VTI1A: variants seen among roughly 807,000 people sequenced by gnomAD.
VTI1A encodes the protein vesicle transport through interaction with t-SNAREs homolog 1A.
VTI1A carries 22 observed loss-of-function variants against 34.9 expected under a neutral mutation model. The ratio of observed to expected loss-of-function variants is 0.63; its 90% confidence interval spans 0.45 to 0.90. The LOEUF is 0.90. VTI1A is among the 40% of genes least tolerant of loss of function. The pLI is 0.00. For synonymous variants in VTI1A, 87 were observed against 97.3 expected, an observed-to-expected ratio of 0.89 and a Z score of 0.62; for missense variants, 268 against 275.6, an observed-to-expected ratio of 0.97 and a Z score of 0.20.
At chr10:112,783,390 C>T (rs981970729) in intron 7 of VTI1A, among the ~76,000 whole-genome samples, 4 of 113,570 alleles carry the variant, frequency 3.5e-5, no homozygotes, top group East Asian at 2.8e-4. Flanking sequence ...TGTGCATGCC[C>T]GCGTGCACGT....
At chr10:112,652,838 C>T (rs1467453219) in intron 5 of VTI1A, among the ~76,000 whole-genome samples, 1 of 152,086 alleles carries the variant, frequency 6.6e-6, no homozygotes, top group Non-Finnish European at 1.5e-5. Context: ...GTCTGTTGGG[C>T]CCTAAAAGAC....
At chr10:112,830,941 C>G in the VTI1A span, among the ~76,000 whole-genome samples, 775 of 148,746 alleles carry the variant, frequency 5.2e-3, 5 homozygotes, top group Non-Finnish European at 8.0e-3. Context: ...CTTTGACCCC[C>G]CAGGCTCAGG....
chr10:112,489,026 T>C (rs1255427550), intron 3 of VTI1A, among the ~76,000 whole-genome samples: 2 of 152,228 alleles, frequency 1.3e-5, no homozygotes, highest in East Asian at 3.8e-4. Flanking sequence ...AGACCAGTAG[T>C]TCTTAAACTC....
At chr10:112,837,621 T>C in the VTI1A span, among the ~76,000 whole-genome samples, 1 of 152,206 alleles carries the variant, frequency 6.6e-6, no homozygotes, top group South Asian at 2.1e-4. Context: ...CTCAATTTGC[T>C]GATCTGCAAG....
chr10:112,774,763 C>T (rs1206604754), intron 7 of VTI1A, among the ~76,000 whole-genome samples: 1 of 152,094 alleles, frequency 6.6e-6, no homozygotes, highest in East Asian at 1.9e-4. Context: ...TTAGAAGAGG[C>T]AATAAATTAT....
At chr10:112,678,611 C>G (rs1848109986) in intron 7 of VTI1A, among the ~76,000 whole-genome samples, 1 of 152,200 alleles carries the variant, frequency 6.6e-6, no homozygotes, top group South Asian at 2.1e-4. Flanking sequence ...GCTGCCACCA[C>G]CACTACCGCC....
chr10:112,854,680 G>A, the VTI1A span, among the ~76,000 whole-genome samples: 3 of 152,174 alleles, frequency 2.0e-5, no homozygotes, highest in Admixed American at 6.5e-5. Context: ...CATCTATAAT[G>A]TTCTGCATGG....
chr10:112,753,866 G>C (rs1851186618), intron 7 of VTI1A, among the ~76,000 whole-genome samples: 1 of 152,184 alleles, frequency 6.6e-6, no homozygotes, highest in Admixed American at 6.5e-5. Flanking sequence ...CTTTTGGAAA[G>C]AAACCCTTTA....
At chr10:112,609,355 A>T (rs180985945) in intron 5 of VTI1A, among the ~76,000 whole-genome samples, 1 of 152,358 alleles carries the variant, frequency 6.6e-6, no homozygotes, top group East Asian at 1.9e-4. Context: ...ATCATTAAAA[A>T]TATGAAAAAC....
At position 112,460,648 on chromosome 10, in the gene VTI1A, G is replaced by A. The variant is rs993832378; in HGVS notation, c.153+66G>A. 198 of 1,315,694 alleles carry A rather than the reference G, an allele frequency of 1.5e-4. 1 individual carries two copies. The highest frequency in any genetic ancestry group is 3.8e-4 in the Middle Eastern group (2 of 5,260). 81.5% of individuals were successfully genotyped at this position (1,315,694 alleles called of 1,614,324 possible). A position where few individuals can be genotyped will look rare whatever the true frequency, so the allele number is the denominator to read the frequency against. ...CCGTTTAAGCTAATGTCTTCCTCTAGCCTGTTTTATACATTGTGGAAATGT... is the reference window on the plus strand; with the variant it reads ...CCGTTTAAGCTAATGTCTTCCTCTAACCTGTTTTATACATTGTGGAAATGT... On this transcript the variant is annotated intron_variant, in intron 2 of 7. Coordinates refer to ENST00000393077, the MANE Select transcript of VTI1A (RefSeq NM_145206.4).
intron 7 of VTI1A, among the ~76,000 whole-genome samples, chr10:112,774,379 C>T (rs1169391146): frequency 6.6e-6 from 1 of 152,172 alleles, no homozygotes; most frequent in African/African-American, 2.4e-5. Context: ...GGGCCTGCCT[C>T]TGCCATTGAC....
chr10:112,694,137 C>T (rs968244165), intron 7 of VTI1A, among the ~76,000 whole-genome samples: 1 of 152,144 alleles, frequency 6.6e-6, no homozygotes, highest in South Asian at 2.1e-4. Flanking sequence ...ACCCAGGAGG[C>T]GGAGCTTGCA....
intron 7 of VTI1A, among the ~76,000 whole-genome samples, chr10:112,739,949 A>T (rs954222512): frequency 2.6e-5 from 4 of 152,222 alleles, no homozygotes; most frequent in Admixed American, 6.5e-5. Context: ...CATTTTTTTT[A>T]AATTATGCAT....
chr10:112,664,333 A>C lies in VTI1A; in HGVS notation c.428-3885A>C, dbSNP rs374474700. ...ATGATGTGAGCTTCAGTCAGTCCTA[A>C]CTTCTTATAGAGAATATTTTGATCT... On this transcript the variant is annotated intron_variant, in intron 5 of 7. Coordinates refer to ENST00000393077, the MANE Select transcript of VTI1A (RefSeq NM_145206.4). 2.8e-4 allele frequency among the ~76,000 whole-genome samples: 42 copies of C among 152,250 alleles called. No individual in the cohort carries two copies. In the South Asian group the frequency reaches 8.5e-3, roughly 31 times the overall value.
chr10:112,733,344 C>T (rs1850336315), intron 7 of VTI1A, among the ~76,000 whole-genome samples: 1 of 152,084 alleles, frequency 6.6e-6, no homozygotes, highest in African/African-American at 2.4e-5. Flanking sequence ...AAAACATTTT[C>T]ACCACCCCAA....
chr10:112,484,518 T>A (rs905760717), intron 3 of VTI1A, among the ~76,000 whole-genome samples: 2 of 152,204 alleles, frequency 1.3e-5, no homozygotes, highest in African/African-American at 4.8e-5. Flanking sequence ...TTCTTTACTT[T>A]CCATTCACCT....
intron 5 of VTI1A, among the ~76,000 whole-genome samples, chr10:112,637,257 G>C (rs575000784): frequency 1.3e-5 from 2 of 152,140 alleles, no homozygotes; most frequent in Non-Finnish European, 2.9e-5. Flanking sequence ...AACATTATGG[G>C]TTTTACTGCA....
At chr10:112,491,895 CT>C (rs1848836907) in intron 3 of VTI1A, among the ~76,000 whole-genome samples, 1 of 152,200 alleles carries the variant, frequency 6.6e-6, no homozygotes, top group South Asian at 2.1e-4. Context: ...GCCTCCGCCT[CT>C]TCCCTCAGCC....
chr10:112,464,051 T>TGCA (rs908835901), intron 2 of VTI1A, among the ~76,000 whole-genome samples: 10 of 152,330 alleles, frequency 6.6e-5, no homozygotes, highest in African/African-American at 2.4e-4. Flanking sequence ...CTGGAAGGAG[T>TGCA]GCAGTGGTGC....
Sources: gnomAD v4.1 joint callset for allele counts (sites outside exome capture counted in the v4.1 genomes callset) on GRCh38, gnomAD v4.1.1 for gene constraint, MANE v1.5 for transcripts, NCBI Gene and HGNC (gene_info 2026-07-23, HGNC 2026-07-21) for gene names.